The following TENM3 variants were observed in gnomAD, a reference collection of about 807,000 sequenced individuals.
The protein encoded by TENM3 is teneurin-3.
TENM3 carries 63 observed loss-of-function variants against 255.1 expected under a neutral mutation model. The ratio of observed to expected loss-of-function variants is 0.25; its 90% CI spans 0.20 to 0.30. TENM3 has a LOEUF of 0.30. Among genes scored for constraint, TENM3 ranks in the 10% least tolerant of loss-of-function variants. The pLI is 1.00. For synonymous variants in TENM3, 1,306 were observed against 1,322.3 expected, an observed-to-expected ratio of 0.99 and a Z score of 0.27; for missense variants, 2,929 against 3,461.1, an observed-to-expected ratio of 0.85 and a Z score of 3.86.
At chr4:181,663,592 A>C in the TENM3 span, among the ~76,000 whole-genome samples, 1 of 152,232 alleles carries the variant, frequency 6.6e-6, no homozygotes, top group Non-Finnish European at 1.5e-5. Context: ...TATGAATTAC[A>C]GCTTTTCATC....
chr4:181,516,244 A>G, the TENM3 span, among the ~76,000 whole-genome samples: 3 of 152,090 alleles, frequency 2.0e-5, no homozygotes, highest in Non-Finnish European at 4.4e-5. Context: ...TAGGAAAAAT[A>G]GCTAATGTAT....
chr4:182,017,728 G>A, the TENM3 span, among the ~76,000 whole-genome samples: 1 of 152,186 alleles, frequency 6.6e-6, no homozygotes, highest in Non-Finnish European at 1.5e-5. Context: ...TGTGAAGGGA[G>A]TGATAAAATC....
chr4:182,547,963 G>A (rs1321895463), intron 3 of TENM3, among the ~76,000 whole-genome samples: 2 of 152,044 alleles, frequency 1.3e-5, no homozygotes, highest in African/African-American at 4.8e-5. Context: ...CGTGCCTCGA[G>A]TCCCAGCACT....
At chr4:182,124,252 A>G in the TENM3 span, among the ~76,000 whole-genome samples, 1 of 152,026 alleles carries the variant, frequency 6.6e-6, no homozygotes, top group Non-Finnish European at 1.5e-5. Context: ...GGGTTTCACC[A>G]TATTGGTCAG....
chr4:182,377,605 C>T (rs1393623936), intron 3 of TENM3, among the ~76,000 whole-genome samples: 1 of 152,196 alleles, frequency 6.6e-6, no homozygotes, highest in East Asian at 1.9e-4. Context: ...TGAGCCACCA[C>T]GCCCGGCTCC....
chr4:181,818,734 T>A, the TENM3 span, among the ~76,000 whole-genome samples: 1 of 151,890 alleles, frequency 6.6e-6, no homozygotes, highest in South Asian at 2.1e-4. Flanking sequence ...CTCAGCCTCC[T>A]GAGTAGCCAG....
chr4:181,739,939 G>C, the TENM3 span, among the ~76,000 whole-genome samples: 6 of 152,156 alleles, frequency 3.9e-5, no homozygotes, highest in Non-Finnish European at 7.3e-5. Context: ...ATATTAAATT[G>C]TGTTGCGTAG....
chr4:182,730,310 A>G lies in TENM3; in HGVS notation c.2696A>G (p.Gln899Arg), dbSNP rs769400051. Residue 899 changes from glutamine to arginine, a missense_variant, in exon 15 of 28, where the codon CAG becomes CGG. By Grantham distance (43) the Gln-to-Arg change is conservative. This residue lies in a region of TENM3 where 1,608 missense variants were observed against 1,884.4 expected (regional missense o/e 0.85). Transcript: ENST00000511685. ...YPEYGYTITR[Q>R]DGMFDLVANG... ...GAATATGGATATACTATTACCCGCCAGGACGGAATGTGAGTTAGTCCCATC... is the reference window on the plus strand; with the variant it reads ...GAATATGGATATACTATTACCCGCCGGGACGGAATGTGAGTTAGTCCCATC... The G allele has an allele frequency of 1.2e-5, 19 of 1,613,660 alleles. No individual in the cohort carries two copies. The East Asian group carries it at 1.3e-4, about 11-fold the overall frequency.
intron 6 of TENM3, among the ~76,000 whole-genome samples, chr4:182,656,363 T>G (rs1425059134): frequency 6.6e-6 from 1 of 152,186 alleles, no homozygotes; most frequent in African/African-American, 2.4e-5. Context: ...CCCTAAATTG[T>G]AAGGAATTCT....
the TENM3 span, among the ~76,000 whole-genome samples, chr4:181,595,380 G>A: frequency 7.0e-6 from 1 of 143,136 alleles, no homozygotes; most frequent in Non-Finnish European, 1.5e-5. Flanking sequence ...GCAGTGAGCT[G>A]AGGTCGCGCC....
At chr4:182,045,373 A>G in the TENM3 span, among the ~76,000 whole-genome samples, 1 of 150,296 alleles carries the variant, frequency 6.7e-6, no homozygotes, top group African/African-American at 2.5e-5. Flanking sequence ...TACGATGTCC[A>G]TGTCTGTATC....
the TENM3 span, among the ~76,000 whole-genome samples, chr4:181,762,609 C>T: frequency 5.4e-4 from 83 of 152,298 alleles, 2 homozygotes; most frequent in Middle Eastern, 3.4e-3. Flanking sequence ...AATCCAGCTT[C>T]CTCAACTCTT....
the TENM3 span, among the ~76,000 whole-genome samples, chr4:182,043,663 C>T: frequency 6.5e-4 from 99 of 152,102 alleles, 1 homozygote; most frequent in African/African-American, 2.1e-3. Flanking sequence ...TTGAAGTATC[C>T]GGGGAATTGG....
At chr4:181,520,581 A>C in the TENM3 span, among the ~76,000 whole-genome samples, 3 of 152,212 alleles carry the variant, frequency 2.0e-5, no homozygotes. Context: ...GTAAGGAAAT[A>C]ACCACGAAAA....
the TENM3 span, among the ~76,000 whole-genome samples, chr4:181,971,833 G>A: frequency 3.0e-4 from 45 of 151,942 alleles, no homozygotes; most frequent in African/African-American, 1.1e-3. Context: ...CATCCCAAAA[G>A]CACTGGAATT....
chr4:181,540,892 A>G, the TENM3 span, among the ~76,000 whole-genome samples: 6,709 of 152,222 alleles, frequency 0.044, 229 homozygotes, highest in South Asian at 0.15. Context: ...AAATTAATAG[A>G]AATATTTCCC....
chr4:182,141,516 T>C (rs1344832996), upstream of TENM3: 1 of 152,088 alleles, frequency 6.6e-6, no homozygotes, highest in East Asian at 1.9e-4. Context: ...AGACCCAAAT[T>C]TAACACACGT....
At chr4:182,395,707 A>G (rs1768759184) in intron 3 of TENM3, among the ~76,000 whole-genome samples, 1 of 152,196 alleles carries the variant, frequency 6.6e-6, no homozygotes, top group African/African-American at 2.4e-5. Flanking sequence ...TAAAACATAA[A>G]AATTAAAGTT....
the TENM3 span, among the ~76,000 whole-genome samples, chr4:181,789,259 T>G: frequency 7.3e-6 from 1 of 137,922 alleles, no homozygotes; most frequent in African/African-American, 3.2e-5. Context: ...TTTATTTTAT[T>G]TATTTTATTT....
Sources: allele counts gnomAD v4.1 joint callset (sites outside exome capture counted in the v4.1 genomes callset), GRCh38; gene constraint gnomAD v4.1.1; regional missense constraint gnomAD v4.1.1; transcripts MANE v1.5; gene names NCBI Gene and HGNC (gene_info 2026-07-23, HGNC 2026-07-21).